DOK6: variants seen among roughly 807,000 people sequenced by gnomAD.
DOK6 encodes the protein docking protein 6.
In DOK6, 22 loss-of-function variants were observed where a neutral mutation model predicts 44.0. The ratio of observed to expected loss-of-function variants is 0.50; its 90% confidence interval spans 0.36 to 0.71. The LOEUF (loss-of-function observed/expected upper bound fraction) is 0.71. DOK6 is among the 30% of genes least tolerant of loss of function. DOK6 has a pLI of 0.00. For missense variants in DOK6, 340 were observed against 416.4 expected (o/e 0.82, Z 1.60); for synonymous variants, 166 against 145.5 (o/e 1.14, Z -1.01).
intron 1 of DOK6, among the ~76,000 whole-genome samples, chr18:69,546,491 C>T (rs895515199): frequency 6.6e-5 from 10 of 151,428 alleles, no homozygotes; most frequent in African/African-American, 2.4e-4. Flanking sequence ...TTAAATAAAA[C>T]CAACCCTTCG....
chr18:69,676,120 C>T (rs1343429084), intron 3 of DOK6, among the ~76,000 whole-genome samples: 1 of 152,174 alleles, frequency 6.6e-6, no homozygotes, highest in Non-Finnish European at 1.5e-5. Flanking sequence ...TGATCCTTGA[C>T]ATAGTTTGAT....
chr18:69,636,699 C>T (rs1984817827), intron 3 of DOK6, among the ~76,000 whole-genome samples: 1 of 152,210 alleles, frequency 6.6e-6, no homozygotes, highest in South Asian at 2.1e-4. Context: ...AGCTGCTCTT[C>T]TTGCAGTTAC....
At chr18:69,773,643 C>T (rs1255704020) in intron 7 of DOK6, among the ~76,000 whole-genome samples, 1 of 151,982 alleles carries the variant, frequency 6.6e-6, no homozygotes, top group South Asian at 2.1e-4. Flanking sequence ...TGGTCAAATT[C>T]ACAGAAGCAG....
chr18:69,668,566 G>T (rs1276415189), intron 3 of DOK6, among the ~76,000 whole-genome samples: 1 of 152,170 alleles, frequency 6.6e-6, no homozygotes, highest in East Asian at 1.9e-4. Flanking sequence ...TTTGGGGATT[G>T]AGGTGTGGTA....
At chr18:69,831,830 A>T (rs1348486336) in intron 7 of DOK6, among the ~76,000 whole-genome samples, 1 of 152,234 alleles carries the variant, frequency 6.6e-6, no homozygotes, top group Non-Finnish European at 1.5e-5. Flanking sequence ...TATAGAAAAG[A>T]TGTTGGCAAT....
At position 69,842,283 on chromosome 18, in the gene DOK6, C is replaced by A. The variant is rs1982248125; in HGVS notation, c.*900C>A. 6.6e-6 allele frequency: 1 copy of A among 152,116 alleles called. No homozygotes were observed. The highest frequency in any genetic ancestry group is 2.1e-4 in the South Asian group (1 of 4,826). The allele number at this position is 152,116 out of a possible 1,614,324, so 9.4% of individuals were successfully genotyped here. A position where few individuals can be genotyped will look rare whatever the true frequency, so the allele number is the denominator to read the frequency against. ...TAGCTGTCCTACACATCATGTCATA[C>A]CCTGTCTTTCTGGTGAGCGTTTCCT... On this transcript the variant is annotated 3_prime_UTR_variant, in exon 8 of 8. Transcript: ENST00000382713.
chr18:69,786,275 T>C (rs1020606610), intron 7 of DOK6, among the ~76,000 whole-genome samples: 6 of 152,180 alleles, frequency 3.9e-5, no homozygotes, highest in Admixed American at 3.9e-4. Context: ...AAAAATCCTA[T>C]ATTTGATTTT....
chr18:69,777,499 A>G (rs1980110554), intron 7 of DOK6, among the ~76,000 whole-genome samples: 1 of 152,058 alleles, frequency 6.6e-6, no homozygotes, highest in Non-Finnish European at 1.5e-5. Flanking sequence ...CATCACCACC[A>G]ACCTCTCTTT....
chr18:69,764,586 G>T (rs546156391), intron 7 of DOK6, among the ~76,000 whole-genome samples: 3 of 152,172 alleles, frequency 2.0e-5, no homozygotes, highest in South Asian at 2.1e-4. Flanking sequence ...TTCCCCTTCC[G>T]CCGGGATTGT....
chr18:69,763,182 G>T (rs7232152), intron 7 of DOK6, among the ~76,000 whole-genome samples: 151,926 of 152,348 alleles, frequency 1, 75,755 homozygotes, highest in East Asian at 1. Flanking sequence ...CATGTTGTAC[G>T]AAGTACTTGG....
At chr18:69,577,958 C>A (rs886882318) in intron 2 of DOK6, among the ~76,000 whole-genome samples, 8 of 152,084 alleles carry the variant, frequency 5.3e-5, no homozygotes, top group African/African-American at 9.7e-5. Flanking sequence ...CTGTTTATTA[C>A]CCATTTCTCC....
intron 3 of DOK6, among the ~76,000 whole-genome samples, chr18:69,624,544 T>G (rs1984513531): frequency 6.6e-6 from 1 of 152,094 alleles, no homozygotes; most frequent in South Asian, 2.1e-4. Context: ...ATCTGTCACT[T>G]TAATCACTTG....
intron 1 of DOK6, among the ~76,000 whole-genome samples, chr18:69,433,587 C>A (rs1227748893): frequency 4.6e-5 from 7 of 151,832 alleles, no homozygotes; most frequent in Admixed American, 1.3e-4. Context: ...AGCCACATTG[C>A]AGGGAAGAAT....
At chr18:69,725,305 C>T (rs1178881382) in intron 5 of DOK6, among the ~76,000 whole-genome samples, 1 of 152,088 alleles carries the variant, frequency 6.6e-6, no homozygotes, top group Middle Eastern at 3.2e-3. Context: ...GATGGATAAG[C>T]GTTTGTTGAA....
rs1024255968 is a variant in DOK6, at chr18:69,611,849, T to A, written c.289+12351T>A. Among the ~76,000 whole-genome samples the A allele has an allele frequency of 6.6e-5, 10 of 152,134 alleles. No homozygotes were observed. In the South Asian group the frequency reaches 1.7e-3, roughly 25 times the overall value. On this transcript the variant is annotated intron_variant, in intron 3 of 7. Coordinates refer to ENST00000382713, the MANE Select transcript of DOK6 (RefSeq NM_152721.6). ...TGGAACCTTGGGGACAGGAGGGCTG[T>A]ATGGTCACTAAAAAGTAACAGAGCT...
rs142634709 is a variant in DOK6 at position 69,477,915 on chromosome 18, C to T, written c.66+76605C>T. Among the ~76,000 whole-genome samples, 268 of 152,236 alleles carry T rather than the reference C, an allele frequency of 1.8e-3. 1 individual carries two copies. The highest frequency in any genetic ancestry group is 8.3e-3 in the South Asian group (40 of 4,828). ...ACTACTGTAGTATTTGAGCCTTTAG[C>T]TTTGATCTCATTTAGGCCGAATCTG... On this transcript the variant is annotated intron_variant, in intron 1 of 7. Coordinates refer to ENST00000382713, the MANE Select transcript of DOK6 (RefSeq NM_152721.6).
chr18:69,404,142 C>T (rs1916153689), intron 1 of DOK6, among the ~76,000 whole-genome samples: 1 of 152,112 alleles, frequency 6.6e-6, no homozygotes, highest in Admixed American at 6.6e-5. Flanking sequence ...TGACATGAAA[C>T]ATAATTTATG....
At chr18:69,436,671 A>G (rs1978989026) in intron 1 of DOK6, among the ~76,000 whole-genome samples, 1 of 152,186 alleles carries the variant, frequency 6.6e-6, no homozygotes, top group Non-Finnish European at 1.5e-5. Flanking sequence ...TCGGGTATAT[A>G]CCCAGTAATG....
chr18:69,430,059 G>C (rs1280518398), intron 1 of DOK6, among the ~76,000 whole-genome samples: 1 of 152,058 alleles, frequency 6.6e-6, no homozygotes, highest in East Asian at 1.9e-4. Context: ...TTACATCATT[G>C]ATCTTCAAAA....
Sources: gnomAD v4.1 joint callset for allele counts (sites outside exome capture counted in the v4.1 genomes callset) on GRCh38, gnomAD v4.1.1 for gene constraint, MANE v1.5 for transcripts, NCBI Gene and HGNC (gene_info 2026-07-23, HGNC 2026-07-21) for gene names.